The following MECOM variants were observed in gnomAD, a reference collection of about 807,000 sequenced individuals.
MECOM encodes histone-lysine N-methyltransferase MECOM.
In MECOM, 13 loss-of-function variants were observed where a neutral mutation model predicts 116.3. The observed-to-expected ratio is 0.11, with a 90% confidence interval of 0.07 to 0.18. The LOEUF is 0.18. Ranked by LOEUF, MECOM falls within the 10% of genes least tolerant of loss-of-function variation. The probability of loss-of-function intolerance (pLI) is 1.00; values close to 1 mark genes in which losing one functional copy is unlikely to be tolerated. For missense variants in MECOM, 1,299 were observed against 1,509.0 expected, an observed-to-expected ratio of 0.86 and a Z score of 2.31; for synonymous variants, 528 against 535.2, an observed-to-expected ratio of 0.99 and a Z score of 0.19.
intron 2 of MECOM, among the ~76,000 whole-genome samples, chr3:169,363,351 T>C (rs1434849426): frequency 3.3e-5 from 5 of 151,998 alleles, no homozygotes; most frequent in Admixed American, 6.6e-5. Context: ...CTGTGAAGGC[T>C]ATATTTGTCA....
chr3:169,522,601 G>A (rs368011137), intron 1 of MECOM, among the ~76,000 whole-genome samples: 248 of 152,230 alleles, frequency 1.6e-3, no homozygotes, highest in African/African-American at 5.6e-3. Context: ...AGGTGATCTC[G>A]GCATCAGCAC....
chr3:169,620,149 C>G (rs1399653402), intron 1 of MECOM, among the ~76,000 whole-genome samples: 1 of 152,226 alleles, frequency 6.6e-6, no homozygotes, highest in Admixed American at 6.5e-5. Flanking sequence ...ACACAAGGCT[C>G]AGAGGGCCAG....
intron 1 of MECOM, among the ~76,000 whole-genome samples, chr3:169,630,116 C>T (rs1771901185): frequency 6.6e-6 from 1 of 152,180 alleles, no homozygotes; most frequent in African/African-American, 2.4e-5. Context: ...TGCCTTCTCT[C>T]CTCAACACAC....
At chr3:169,286,166 C>G (rs551492929) in intron 2 of MECOM, among the ~76,000 whole-genome samples, 1 of 152,270 alleles carries the variant, frequency 6.6e-6, no homozygotes, top group East Asian at 1.9e-4. Context: ...TTTGTTTAAC[C>G]ATAAAATGAT....
intron 1 of MECOM, among the ~76,000 whole-genome samples, chr3:169,535,731 C>T (rs1389478093): frequency 6.6e-6 from 1 of 152,220 alleles, no homozygotes; most frequent in Non-Finnish European, 1.5e-5. Context: ...GCTTTGGTCA[C>T]TGCTTTATCC....
intron 1 of MECOM, among the ~76,000 whole-genome samples, chr3:169,548,876 C>G (rs1472285467): frequency 6.6e-6 from 1 of 152,002 alleles, no homozygotes; most frequent in Non-Finnish European, 1.5e-5. Context: ...TCATTTTCTC[C>G]TTCTTACAAA....
chr3:169,111,625 C>A (rs1178892547), intron 9 of MECOM, among the ~76,000 whole-genome samples: 1 of 151,996 alleles, frequency 6.6e-6, no homozygotes, highest in African/African-American at 2.4e-5. Context: ...AAAATTAATA[C>A]TAACTGGAAT....
intron 1 of MECOM, among the ~76,000 whole-genome samples, chr3:169,636,163 A>G (rs1375939506): frequency 6.6e-6 from 1 of 152,170 alleles, no homozygotes; most frequent in Non-Finnish European, 1.5e-5. Context: ...AGTCTCCCCA[A>G]TTTGACAGAT....
chr3:169,275,156 T>TA (rs1288339062), intron 2 of MECOM, among the ~76,000 whole-genome samples: 1 of 152,142 alleles, frequency 6.6e-6, no homozygotes, highest in Non-Finnish European at 1.5e-5. Flanking sequence ...AGCATGTACT[T>TA]ATATGGAGAA....
chr3:169,085,104 A>G (rs577871113), intron 16 of MECOM, 61 bp from the exon 17 acceptor site: 23 of 1,601,282 alleles, frequency 1.4e-5, no homozygotes, highest in South Asian at 6.6e-5. Flanking sequence ...TTTTAGTTCA[A>G]AGAATATTGT....
At chr3:169,559,363 T>C (rs999529832) in intron 1 of MECOM, among the ~76,000 whole-genome samples, 2 of 152,232 alleles carry the variant, frequency 1.3e-5, no homozygotes, top group African/African-American at 4.8e-5. Flanking sequence ...ATATTCATCA[T>C]GTATGTGTGT....
chr3:169,481,129 A>G (rs1751220677), intron 1 of MECOM, among the ~76,000 whole-genome samples: 1 of 152,322 alleles, frequency 6.6e-6, no homozygotes, highest in African/African-American at 2.4e-5. Context: ...AACATCGGTT[A>G]AAAAAACAAG....
intron 1 of MECOM, among the ~76,000 whole-genome samples, chr3:169,620,013 C>T (rs1203266147): frequency 6.6e-6 from 1 of 152,146 alleles, no homozygotes; most frequent in Non-Finnish European, 1.5e-5. Context: ...ACTGCACCTG[C>T]TAGAATATCG....
At chr3:169,346,575 G>A (rs577714586) in intron 2 of MECOM, among the ~76,000 whole-genome samples, 2 of 151,610 alleles carry the variant, frequency 1.3e-5, no homozygotes, top group African/African-American at 4.8e-5. Context: ...TGTGACCATG[G>A]GTAAGTCATT....
At chr3:169,306,216 A>C (rs973305826) in intron 2 of MECOM, among the ~76,000 whole-genome samples, 1 of 152,296 alleles carries the variant, frequency 6.6e-6, no homozygotes, top group South Asian at 2.1e-4. Flanking sequence ...TTATGCAATA[A>C]GTTCAATAGA....
chr3:169,139,084 C>T (rs916821440), intron 3 of MECOM, among the ~76,000 whole-genome samples: 1 of 152,038 alleles, frequency 6.6e-6, no homozygotes, highest in Non-Finnish European at 1.5e-5. Flanking sequence ...GTCTTGTTGC[C>T]GTTCATTAAC....
intron 1 of MECOM, among the ~76,000 whole-genome samples, chr3:169,428,746 A>G (rs1430625476): frequency 1.3e-5 from 2 of 152,178 alleles, no homozygotes; most frequent in Admixed American, 1.3e-4. Flanking sequence ...TCTTAAGGCT[A>G]TTATCTACTT....
chr3:169,197,965 G>A (rs561256686), intron 2 of MECOM, among the ~76,000 whole-genome samples: 11 of 152,090 alleles, frequency 7.2e-5, no homozygotes, highest in East Asian at 5.8e-4. Context: ...GAACATCTCC[G>A]TGTGGTTGGC....
chr3:169,177,940 A>T (rs1331552450), intron 2 of MECOM, among the ~76,000 whole-genome samples: 2 of 152,028 alleles, frequency 1.3e-5, no homozygotes, highest in Non-Finnish European at 2.9e-5. Flanking sequence ...AGGAGAAAAA[A>T]ACAAAAAAGA....
Sources: gnomAD v4.1 joint callset for allele counts (sites outside exome capture counted in the v4.1 genomes callset) on GRCh38, gnomAD v4.1.1 for gene constraint, MANE v1.5 for transcripts, NCBI Gene and HGNC (gene_info 2026-07-23, HGNC 2026-07-21) for gene names.